The following ELMO1 variants were observed in gnomAD, a reference collection of about 807,000 sequenced individuals.
The protein encoded by ELMO1 is engulfment and cell motility 1.
Under a neutral mutation model 98.9 loss-of-function variants are expected in ELMO1, and 26 were observed. The ratio of observed to expected loss-of-function variants is 0.26; its 90% CI spans 0.19 to 0.36. The LOEUF (loss-of-function observed/expected upper bound fraction) is 0.36. Among genes scored for constraint, ELMO1 ranks in the 10% least tolerant of loss-of-function variants. The pLI is 1.00. For missense variants in ELMO1, 627 were observed against 935.2 expected, an observed-to-expected ratio of 0.67 and a Z score of 4.30; for synonymous variants, 346 against 346.0, an observed-to-expected ratio of 1.00 and a Z score of 0.00.
chr7:37,039,381 G>A (rs1795372713), intron 15 of ELMO1, among the ~76,000 whole-genome samples: 1 of 152,206 alleles, frequency 6.6e-6, no homozygotes, highest in African/African-American at 2.4e-5. Flanking sequence ...GGAGATACAA[G>A]GGCAGGTTCT....
chr7:37,008,258 G>T (rs568012704), intron 16 of ELMO1, among the ~76,000 whole-genome samples: 1 of 152,344 alleles, frequency 6.6e-6, no homozygotes, highest in East Asian at 1.9e-4. Context: ...AATTGTTGGG[G>T]AGGACTTAAT....
chr7:37,382,244 A>C (rs1327639894), intron 1 of ELMO1, among the ~76,000 whole-genome samples: 1 of 152,242 alleles, frequency 6.6e-6, no homozygotes, highest in Non-Finnish European at 1.5e-5. Context: ...TCCTAAGCCC[A>C]GTTTAGAGTC....
intron 16 of ELMO1, 91 bp downstream of exon 16, chr7:37,013,208 C>G: frequency 1.3e-6 from 2 of 1,484,822 alleles, no homozygotes; most frequent in Non-Finnish European, 1.8e-6. Flanking sequence ...CCCCACCTTG[C>G]CAATTGCCTT....
intron 16 of ELMO1, among the ~76,000 whole-genome samples, chr7:36,957,796 G>T (rs1456018809): frequency 6.6e-6 from 1 of 152,062 alleles, no homozygotes; most frequent in Admixed American, 6.5e-5. Context: ...CTGAGAGAAG[G>T]CTAACCACCA....
rs922819518 is a variant in ELMO1, at chr7:36,997,201, G to C, written c.1437+16098C>G. Among the ~76,000 whole-genome samples, 6 of 152,196 alleles carry C rather than the reference G, an allele frequency of 3.9e-5. No individual in the cohort carries two copies. In the East Asian group the frequency reaches 1.2e-3, roughly 29 times the overall value. On this transcript the variant is annotated intron_variant, in intron 16 of 21. Transcript: ENST00000310758. ...ACAGGGTGGCTAAGCTATGACAGGA[G>C]AAAGTGATTCTTGAGAGGAATGATT...
chr7:37,278,493 A>G (rs1344428198), intron 4 of ELMO1, among the ~76,000 whole-genome samples: 1 of 151,876 alleles, frequency 6.6e-6, no homozygotes, highest in African/African-American at 2.4e-5. Context: ...TAGGCAACAG[A>G]GCAAGACCCT....
chr7:37,096,315 A>AT (rs547747089), intron 15 of ELMO1, among the ~76,000 whole-genome samples: 3,566 of 148,484 alleles, frequency 0.024, 126 homozygotes, highest in African/African-American at 0.087. Context: ...AAATCCATAG[A>AT]TTTTTTTTTC....
At chr7:37,332,765 G>A (rs375189467) in intron 2 of ELMO1, among the ~76,000 whole-genome samples, 4 of 152,212 alleles carry the variant, frequency 2.6e-5, no homozygotes, top group East Asian at 1.9e-4. Context: ...AGAGCTGGGG[G>A]CAGGGGGCCC....
intron 7 of ELMO1, 28 bp from the exon 8 acceptor site, chr7:37,233,222 C>A: frequency 6.3e-7 from 1 of 1,592,130 alleles, no homozygotes; most frequent in South Asian, 1.1e-5. Flanking sequence ...GCACAAGAGT[C>A]AAGAGCCCCA....
At chr7:36,952,848 G>A (rs965431517) in intron 16 of ELMO1, among the ~76,000 whole-genome samples, 2 of 151,882 alleles carry the variant, frequency 1.3e-5, no homozygotes, top group African/African-American at 4.8e-5. Context: ...TCCTGGAGGA[G>A]ACAGACCTCT....
chr7:36,867,065 T>A (rs1307401280), intron 20 of ELMO1, among the ~76,000 whole-genome samples: 1 of 152,136 alleles, frequency 6.6e-6, no homozygotes, highest in East Asian at 1.9e-4. Flanking sequence ...GCTAGTCTTA[T>A]CCCTCATGGC....
chr7:37,066,717 T>A (rs903573564), intron 15 of ELMO1, among the ~76,000 whole-genome samples: 1 of 152,342 alleles, frequency 6.6e-6, no homozygotes, highest in East Asian at 1.9e-4. Context: ...CTATACCTAG[T>A]ATATATCAAA....
chr7:37,377,990 T>C (rs938190176), intron 1 of ELMO1, among the ~76,000 whole-genome samples: 5 of 152,228 alleles, frequency 3.3e-5, no homozygotes, highest in Non-Finnish European at 5.9e-5. Flanking sequence ...AGTCTGTCTA[T>C]TGACAGTTAA....
intron 16 of ELMO1, among the ~76,000 whole-genome samples, chr7:37,012,107 T>A (rs1003696120): frequency 6.6e-6 from 1 of 152,188 alleles, no homozygotes; most frequent in Non-Finnish European, 1.5e-5. Context: ...ATGACCAAGA[T>A]GCAAAGGACA....
At chr7:37,217,397 A>T (rs1340524159) in intron 10 of ELMO1, among the ~76,000 whole-genome samples, 1 of 152,196 alleles carries the variant, frequency 6.6e-6, no homozygotes, top group Non-Finnish European at 1.5e-5. Context: ...TATATCAAGC[A>T]TAGTCTTGGA....
intron 13 of ELMO1, among the ~76,000 whole-genome samples, chr7:37,167,567 G>C (rs1490109404): frequency 6.1e-5 from 9 of 147,914 alleles, no homozygotes; most frequent in East Asian, 2.0e-4. Context: ...TTGCTTGTCT[G>C]TAAAGTATTT....
intron 1 of ELMO1, among the ~76,000 whole-genome samples, chr7:37,413,710 C>G (rs140626015): frequency 7.5e-4 from 114 of 152,282 alleles, no homozygotes; most frequent in African/African-American, 2.6e-3. Flanking sequence ...CAGAGTCTTG[C>G]TCTGTCACTC....
intron 1 of ELMO1, among the ~76,000 whole-genome samples, chr7:37,414,183 G>C (rs926809891): frequency 7.6e-6 from 1 of 132,370 alleles, no homozygotes; most frequent in African/African-American, 2.5e-5. Context: ...TTTCCACTAA[G>C]AAAATTAGAA....
chr7:36,873,901 G>A (rs1406582960), intron 19 of ELMO1, among the ~76,000 whole-genome samples: 2 of 152,226 alleles, frequency 1.3e-5, no homozygotes, highest in Non-Finnish European at 2.9e-5. Flanking sequence ...CCATTCAAAG[G>A]AAGTAGCTAG....
Sources: gnomAD v4.1 joint callset for allele counts (sites outside exome capture counted in the v4.1 genomes callset) on GRCh38, gnomAD v4.1.1 for gene constraint, MANE v1.5 for transcripts, NCBI Gene and HGNC (gene_info 2026-07-23, HGNC 2026-07-21) for gene names.